Variants in KCNA2 observed in about 807,000 individuals in gnomAD.
KCNA2 encodes the protein potassium channel, voltage gated shaker related subfamily A, member 2.
Under a neutral mutation model 33.4 loss-of-function variants are expected in KCNA2, and 11 were observed. That is an observed-to-expected ratio of 0.33 (90% CI 0.21 to 0.55). KCNA2 has a LOEUF of 0.55. Among genes scored for constraint, KCNA2 ranks in the 20% least tolerant of loss-of-function variants. The pLI is 0.93. For missense variants in KCNA2, 291 were observed against 621.6 expected (o/e 0.47, Z 5.66); for synonymous variants, 222 against 231.3 (o/e 0.96, Z 0.37).
At chr1:110,612,898 A>G (rs1045889209) in intron 1 of KCNA2, among the ~76,000 whole-genome samples, 10 of 152,208 alleles carry the variant, frequency 6.6e-5, no homozygotes, top group Non-Finnish European at 1.3e-4. Context: ...GAAGTCAGAC[A>G]GGCCTGGGGT....
In KCNA2 at chr1:110,603,253, T is replaced by C. The variant is rs1254251882; in HGVS notation, c.*30A>G. On this transcript the variant is annotated 3_prime_UTR_variant, in exon 3 of 3. Transcript: ENST00000316361. This position sits in a 1 kb window ranked among gnomAD's most constrained non-coding sequence, Gnocchi z 5.7. ...TTATGCAACATCTGCATTAGTTCCATTGAGCTGTGAGTACGGTAATAGGTT... is the reference window on the plus strand; with the variant it reads ...TTATGCAACATCTGCATTAGTTCCACTGAGCTGTGAGTACGGTAATAGGTT... 3.8e-6 allele frequency: 6 copies of C among 1,570,120 alleles called. No homozygotes were observed. Among genetic ancestry groups the C allele is most frequent in the African/African-American group, 1.4e-5 (1 of 73,760 alleles).
chr1:110,628,970 T>C (rs1470223828), intron 1 of KCNA2, among the ~76,000 whole-genome samples: 1 of 152,232 alleles, frequency 6.6e-6, no homozygotes, highest in Non-Finnish European at 1.5e-5. Flanking sequence ...TGCTGCACCA[T>C]GCCTGGTTTT....
At chr1:110,616,493 C>CTT (rs1557738101) in intron 1 of KCNA2, among the ~76,000 whole-genome samples, 1 of 152,198 alleles carries the variant, frequency 6.6e-6, no homozygotes, top group Non-Finnish European at 1.5e-5. Context: ...AAAGTTCTTT[C>CTT]TTTAAGAAAC....
intron 1 of KCNA2, among the ~76,000 whole-genome samples, chr1:110,623,015 C>T (rs1017023946): frequency 2.6e-5 from 4 of 152,070 alleles, no homozygotes; most frequent in Admixed American, 2.6e-4. Context: ...ATAACCAAAG[C>T]AATTTTGAGA....
intron 1 of KCNA2, among the ~76,000 whole-genome samples, chr1:110,612,674 AAGTGCAGGTAGGATCT>A (rs1236342488): frequency 3.9e-5 from 6 of 152,116 alleles, no homozygotes; most frequent in Non-Finnish European, 7.4e-5. Context: ...GACCCCACTA[AAGTGCAGGTAGGATCT>A]ATCACCTCTT....
chr1:110,594,989 C>T lies in KCNA2; in HGVS notation c.*8294G>A. The T allele has an allele frequency of 1.0e-6, 1 of 985,368 alleles. No individual in the cohort carries two copies. Among genetic ancestry groups the T allele is most frequent in the Non-Finnish European group, 1.2e-6 (1 of 829,936 alleles). 61.0% of individuals were successfully genotyped at this position (985,368 alleles called of 1,614,324 possible). ...CCTCCTATTGCTTTCTCTAGCAGCC[C>T]AGAGCATTTATTCACTCATACAAAC... On this transcript the variant is annotated 3_prime_UTR_variant, in exon 3 of 3. Transcript: ENST00000316361.
intron 1 of KCNA2, among the ~76,000 whole-genome samples, chr1:110,616,481 A>G (rs945610130): frequency 2.6e-5 from 4 of 152,322 alleles, no homozygotes; most frequent in Admixed American, 6.5e-5. Flanking sequence ...AGGAAATAAG[A>G]AAAAGTTCTT....
Position 110,603,045 on chromosome 1 carries a change from C to A in KCNA2, c.*238G>T. 1 of 1,380,548 alleles carries A rather than the reference C, an allele frequency of 7.2e-7. No homozygotes were observed. Among genetic ancestry groups the A allele is most frequent in the Non-Finnish European group, 9.3e-7 (1 of 1,072,338 alleles). The allele number at this position is 1,380,548 out of a possible 1,614,324, so 85.5% of individuals were successfully genotyped here. ...TCAACGTGTCTATCTGAAATCCTAGCTTGATAGGTGACTCCCGTCTTTGGA... is the reference window on the plus strand; with the variant it reads ...TCAACGTGTCTATCTGAAATCCTAGATTGATAGGTGACTCCCGTCTTTGGA... On this transcript the variant is annotated 3_prime_UTR_variant, in exon 3 of 3. Coordinates refer to ENST00000316361, the MANE Select transcript of KCNA2 (RefSeq NM_004974.4). The surrounding 1 kb of genome is among the most constrained non-coding windows in gnomAD (Gnocchi z 5.7).
rs1649507829 is a variant in KCNA2, at chr1:110,604,454, G to A, written c.329C>T (p.Ser110Phe). 3 of 1,614,178 alleles carry A rather than the reference G, an allele frequency of 1.9e-6. No homozygotes were observed. In the East Asian group the frequency reaches 6.7e-5, roughly 36 times the overall value. ...CAGCTCATAAAACCGAATTTCTTCA[G>A]AGAATATATCTAAGGGCACATTCAC... ...RPVNVPLDIF[S>F]EEIRFYELGE... Residue 110 changes from serine (S) to phenylalanine (F), a missense_variant, in exon 3 of 3, where the codon TCT becomes TTT. Ser to Phe is a radical substitution (Grantham distance 155). This residue lies in a region of KCNA2 where 163 missense variants were observed against 273.5 expected (regional missense o/e 0.60). Coordinates refer to ENST00000316361, the MANE Select transcript of KCNA2 (RefSeq NM_004974.4). The surrounding 1 kb of genome is among the most constrained non-coding windows in gnomAD (Gnocchi z 7.6).
Position 110,604,104 on chromosome 1 carries a change from T to A in KCNA2, c.679A>T (p.Thr227Ser). 1 of 1,613,972 alleles carries A rather than the reference T, an allele frequency of 6.2e-7. No homozygotes were observed. The highest frequency in any genetic ancestry group is 8.5e-7 in the Non-Finnish European group (1 of 1,179,964). Residue 227 changes from threonine to serine, a missense_variant, in exon 3 of 3, where the codon ACA becomes TCA. This residue lies in a region of KCNA2 where 43 missense variants were observed against 159.4 expected (regional missense o/e 0.27). Transcript: ENST00000316361. This position sits in a 1 kb window ranked among gnomAD's most constrained non-coding sequence, Gnocchi z 7.6. ...SFTDPFFIVE[T>S]LCIIWFSFEF... ...AAGGAGAACCAGATGATGCAGAGTG[T>A]CTCTACAATGAAGAAAGGGTCTGTG...
At chr1:110,629,954 G>GT (rs138731102) in intron 1 of KCNA2, among the ~76,000 whole-genome samples, 5,992 of 149,532 alleles carry the variant, frequency 0.04, 414 homozygotes, top group African/African-American at 0.14. Context: ...TGGAAGAAGC[G>GT]TTTTTTTAAA....
Position 110,602,145 on chromosome 1 carries a change from T to C in KCNA2, c.*1138A>G. On this transcript the variant is annotated 3_prime_UTR_variant, in exon 3 of 3. Transcript: ENST00000316361. Reference sequence around the variant, plus strand: ...CAGATGCTGCCTTCCCCGCTTACTCTTCTGGCTTTGCAGAGGTCTGCGTTC... The same window carrying C: ...CAGATGCTGCCTTCCCCGCTTACTCCTCTGGCTTTGCAGAGGTCTGCGTTC... 6.4e-7 allele frequency: 1 copy of C among 1,550,574 alleles called. No individual in the cohort carries two copies. Among genetic ancestry groups the C allele is most frequent in the East Asian group, 2.4e-5 (1 of 40,922 alleles).
intron 1 of KCNA2, among the ~76,000 whole-genome samples, chr1:110,626,411 T>G (rs972229523): frequency 2.0e-5 from 3 of 152,034 alleles, no homozygotes; most frequent in African/African-American, 7.2e-5. Flanking sequence ...AAAGATATAT[T>G]TGTATTTGTT....
intron 1 of KCNA2, among the ~76,000 whole-genome samples, chr1:110,626,735 C>T (rs1181380751): frequency 6.6e-6 from 1 of 152,068 alleles, no homozygotes. Context: ...CTTAATTTCC[C>T]AGCTTTATCT....
intron 1 of KCNA2, among the ~76,000 whole-genome samples, chr1:110,628,901 A>G (rs576740204): frequency 6.6e-6 from 1 of 152,352 alleles, no homozygotes; most frequent in East Asian, 1.9e-4. Context: ...ACACAGCTTC[A>G]TAATCCTGTA....
intron 1 of KCNA2, among the ~76,000 whole-genome samples, chr1:110,617,738 G>A (rs1017178645): frequency 3.9e-5 from 6 of 152,328 alleles, no homozygotes; most frequent in Admixed American, 3.3e-4. Context: ...GGGAGAGAGA[G>A]TGTGGAGGGG....
At chr1:110,623,347 C>T (rs916151250) in intron 1 of KCNA2, among the ~76,000 whole-genome samples, 7 of 152,128 alleles carry the variant, frequency 4.6e-5, no homozygotes, top group Admixed American at 1.3e-4. Flanking sequence ...AGAGCTAAAA[C>T]TATATAATTT....
intron 1 of KCNA2, among the ~76,000 whole-genome samples, chr1:110,622,654 A>G (rs375980331): frequency 6.6e-6 from 1 of 152,184 alleles, no homozygotes; most frequent in Non-Finnish European, 1.5e-5. Flanking sequence ...ATGTCACAAT[A>G]CAAGATCAAT....
At chr1:110,629,219 C>G (rs1217395968) in intron 1 of KCNA2, among the ~76,000 whole-genome samples, 1 of 152,124 alleles carries the variant, frequency 6.6e-6, no homozygotes, top group Admixed American at 6.5e-5. Flanking sequence ...CCCCAATTAC[C>G]ACCAAATCAC....
Sources: allele counts gnomAD v4.1 joint callset (sites outside exome capture counted in the v4.1 genomes callset), GRCh38; gene constraint gnomAD v4.1.1; regional missense constraint gnomAD v4.1.1; non-coding constraint Gnocchi (gnomAD v3.1); transcripts MANE v1.5; gene names NCBI Gene and HGNC (gene_info 2026-07-23, HGNC 2026-07-21).